The following UTP25 variants were observed in gnomAD, a reference collection of about 807,000 sequenced individuals.
UTP25 encodes the protein U3 small nucleolar RNA-associated protein 25 homolog.
A neutral mutation model predicts 78.9 loss-of-function variants in UTP25; 50 were observed. The observed-to-expected ratio is 0.63, with a 90% CI of 0.50 to 0.80. The LOEUF (loss-of-function observed/expected upper bound fraction) is 0.80. UTP25 is among the 30% of genes least tolerant of loss of function. UTP25 has a pLI of 0.00. For synonymous variants in UTP25, 329 were observed against 336.5 expected, an observed-to-expected ratio of 0.98 and a Z score of 0.24; for missense variants, 846 against 911.3, an observed-to-expected ratio of 0.93 and a Z score of 0.92.
chr1:209,837,272 T>C, intron 6 of UTP25, 61 bp downstream of exon 6: 1 of 1,534,424 alleles, frequency 6.5e-7, no homozygotes, highest in South Asian at 1.2e-5. Flanking sequence ...GCCATAGAGG[T>C]GCCTGACACT....
intron 7 of UTP25, 109 bp downstream of exon 7, chr1:209,839,237 T>A: frequency 9.8e-7 from 1 of 1,025,336 alleles, no homozygotes; most frequent in Non-Finnish European, 1.4e-6. Flanking sequence ...TGTGCCTCTT[T>A]AACAGAACCA....
chr1:209,849,303 CG>C (rs2078216558), intron 11 of UTP25, among the ~76,000 whole-genome samples: 1 of 152,110 alleles, frequency 6.6e-6, no homozygotes, highest in South Asian at 2.1e-4. Context: ...CTTCCCTAAT[CG>C]AACTCTGCTT....
intron 6 of UTP25, among the ~76,000 whole-genome samples, chr1:209,838,357 T>C (rs1419688765): frequency 1.4e-5 from 2 of 144,364 alleles, no homozygotes; most frequent in South Asian, 2.3e-4. Flanking sequence ...TTCCCATTAA[T>C]TGTGGTCATT....
chr1:209,840,227 G>C (rs1339250313), intron 7 of UTP25, among the ~76,000 whole-genome samples: 3 of 152,200 alleles, frequency 2.0e-5, no homozygotes, highest in Non-Finnish European at 4.4e-5. Context: ...GTGTGAAGGT[G>C]ACATTAAAGC....
At chr1:209,849,939 G>A (rs1007978876) in intron 11 of UTP25, among the ~76,000 whole-genome samples, 2 of 152,290 alleles carry the variant, frequency 1.3e-5, no homozygotes, top group African/African-American at 4.8e-5. Context: ...TGGCTCATGA[G>A]ACCTGGCTGC....
Position 209,852,132 on chromosome 1 carries a change from A to G in UTP25, c.*685A>G, listed in dbSNP as rs1297863096. On this transcript the variant is annotated 3_prime_UTR_variant, in exon 12 of 12. Coordinates refer to ENST00000491415, the MANE Select transcript of UTP25 (RefSeq NM_014388.7). ...GTTGAAACTCCATGTTAAAATATCCATCTTCAACAGTAGTGTCTTCATAAT... is the reference window on the plus strand; with the variant it reads ...GTTGAAACTCCATGTTAAAATATCCGTCTTCAACAGTAGTGTCTTCATAAT... 6.6e-6 allele frequency: 1 copy of G among 152,236 alleles called. No individual in the cohort carries two copies. Among genetic ancestry groups the G allele is most frequent in the Non-Finnish European group, 1.5e-5 (1 of 68,042 alleles). The allele number at this position is 152,236 out of a possible 1,614,324, so 9.4% of individuals were successfully genotyped here. A position where few individuals can be genotyped will look rare whatever the true frequency, so the allele number is the denominator to read the frequency against.
At position 209,856,533 on chromosome 1, in the gene UTP25, G is replaced by A. The variant is rs908847560; in HGVS notation, c.*5086G>A. The A allele has an allele frequency of 4.6e-5, 7 of 152,292 alleles. No homozygotes were observed. Among genetic ancestry groups the A allele is most frequent in the Admixed American group, 2.0e-4 (3 of 15,280 alleles). 9.4% of individuals were successfully genotyped at this position (152,292 alleles called of 1,614,324 possible). On this transcript the variant is annotated 3_prime_UTR_variant, in exon 12 of 12. Coordinates refer to ENST00000491415, the MANE Select transcript of UTP25 (RefSeq NM_014388.7). ...TGAAGAAAGGAGCTTGGTTCTGCAA[G>A]GATGTTGTAGAGCTGCCATACCAGT... is the stretch of plus-strand genomic sequence containing the variant.
intron 8 of UTP25, among the ~76,000 whole-genome samples, chr1:209,841,443 G>T (rs2078166674): frequency 6.6e-6 from 1 of 152,196 alleles, no homozygotes; most frequent in South Asian, 2.1e-4. Flanking sequence ...ATGCTGTTTT[G>T]TTTGGTCTTT....
Position 209,833,337 on chromosome 1 carries a change from T to C in UTP25, c.541T>C (p.Ser181Pro), listed in dbSNP as rs762770014. The change falls in exon 4 of 12, where the codon TCT becomes CCT. Residue 181 changes from serine (S) to proline (P), a missense_variant. By Grantham distance (74) the Ser-to-Pro change is moderately conservative. Transcript: ENST00000491415. ...TCTGGAAGAGGAAAGTGGAGACAAC[T>C]CTTCTTTGAAAGCCTCTCAAGGTCA... The part of the protein sequence containing the change: ...NFLEEESGDN[S>P]SLKASQDPFL... 7.0e-6 allele frequency: 11 copies of C among 1,579,994 alleles called. No homozygotes were observed. In the South Asian group the frequency reaches 1.1e-4, roughly 15 times the overall value.
chr1:209,830,961 T>C lies in UTP25; in HGVS notation c.306T>C (p.Asp102=), dbSNP rs2078100066. 9 of 1,614,026 alleles carry C rather than the reference T, an allele frequency of 5.6e-6. No homozygotes were observed. The East Asian group carries it at 2.0e-4, about 36-fold the overall frequency. ...EEEEEDSIVD[D]AEMNDEDGGS... The stretch of plus-strand genomic sequence containing the variant: ...AGGAAGAAGACAGTATTGTAGATGA[T>C]GCAGAAATGAACGATGAAGATGGTG... Residue 102 remains aspartate, a synonymous_variant, in exon 3 of 12, where the codon GAT becomes GAC. Coordinates refer to ENST00000491415, the MANE Select transcript of UTP25 (RefSeq NM_014388.7).
At chr1:209,834,794 C>T (rs144266236) in intron 4 of UTP25, among the ~76,000 whole-genome samples, 6 of 152,262 alleles carry the variant, frequency 3.9e-5, no homozygotes, top group Admixed American at 2.0e-4. Context: ...GAAATGATAA[C>T]GGAGATGCAG....
chr1:209,845,863 C>CTT (rs72219049), intron 11 of UTP25, among the ~76,000 whole-genome samples: 2 of 111,498 alleles, frequency 1.8e-5, no homozygotes, highest in African/African-American at 3.3e-5. Context: ...TTTTCTTTTT[C>CTT]TTTTTTTTTT....
rs528977737 is a variant in UTP25 at position 209,835,944 on chromosome 1, G to A, written c.651+781G>A. 1.2e-4 allele frequency among the ~76,000 whole-genome samples: 18 copies of A among 152,124 alleles called. No individual in the cohort carries two copies. The South Asian group carries it at 3.5e-3, about 30-fold the overall frequency. ...TTATATACAATTTTATCATGCATAG[G>A]TTCCTGTATCTACTCCTGCCATCAA... On this transcript the variant is annotated intron_variant, in intron 5 of 11. Coordinates refer to ENST00000491415, the MANE Select transcript of UTP25 (RefSeq NM_014388.7).
intron 1 of UTP25, 76 bp from the exon 2 acceptor site, chr1:209,830,032 T>C: frequency 1.5e-6 from 2 of 1,324,534 alleles, no homozygotes; most frequent in Admixed American, 3.9e-5. Flanking sequence ...GCCTTTTTCA[T>C]TTAACATCTC....
At chr1:209,828,969 T>G (rs1001869963) in intron 1 of UTP25, among the ~76,000 whole-genome samples, 1 of 151,768 alleles carries the variant, frequency 6.6e-6, no homozygotes, top group Non-Finnish European at 1.5e-5. Context: ...AGACGGGGTT[T>G]CACCATGTTA....
chr1:209,850,555 T>C (rs1315269925), intron 11 of UTP25, among the ~76,000 whole-genome samples: 1 of 152,220 alleles, frequency 6.6e-6, no homozygotes, highest in Non-Finnish European at 1.5e-5. Flanking sequence ...GACTGAACCA[T>C]ACTGCAAGTC....
chr1:209,832,846 T>C (rs2078110728), intron 3 of UTP25, among the ~76,000 whole-genome samples: 2 of 152,174 alleles, frequency 1.3e-5, no homozygotes, highest in Admixed American at 1.3e-4. Flanking sequence ...ATGACACCAC[T>C]GCACTGCAGC....
intron 11 of UTP25, among the ~76,000 whole-genome samples, chr1:209,846,110 C>T (rs560734791): frequency 1.3e-5 from 2 of 152,230 alleles, no homozygotes; most frequent in African/African-American, 4.8e-5. Flanking sequence ...GCACTTCAGC[C>T]TCCCAAGAAG....
In UTP25 at chr1:209,852,346, A is replaced by G. The variant is rs538901114; in HGVS notation, c.*899A>G. The G allele has an allele frequency of 6.6e-6, 1 of 152,318 alleles. No individual in the cohort carries two copies. The highest frequency in any genetic ancestry group is 2.4e-5 in the African/African-American group (1 of 41,568). The allele number at this position is 152,318 out of a possible 1,614,324, so 9.4% of individuals were successfully genotyped here. ...CTTTAGTATATATTTCCTGTAAACA[A>G]TTAAGGGTATTGTTTGTGATTAGGA... On this transcript the variant is annotated 3_prime_UTR_variant, in exon 12 of 12. Coordinates refer to ENST00000491415, the MANE Select transcript of UTP25 (RefSeq NM_014388.7).
Sources: allele counts gnomAD v4.1 joint callset (sites outside exome capture counted in the v4.1 genomes callset), GRCh38; gene constraint gnomAD v4.1.1; transcripts MANE v1.5; gene names NCBI Gene and HGNC (gene_info 2026-07-23, HGNC 2026-07-21).